The following PTPRC variants were observed in gnomAD, a reference collection of about 807,000 sequenced individuals.
PTPRC encodes the protein receptor-type tyrosine-protein phosphatase C.
A neutral mutation model predicts 155.9 loss-of-function variants in PTPRC; 44 were observed. The ratio of observed to expected loss-of-function variants is 0.28; its 90% CI spans 0.22 to 0.36. The LOEUF is 0.36. Ranked by LOEUF, PTPRC falls within the 10% of genes least tolerant of loss-of-function variation. PTPRC has a pLI of 1.00. For synonymous variants in PTPRC, 525 were observed against 533.1 expected (o/e 0.98, Z 0.21); for missense variants, 1,401 against 1,564.6 (o/e 0.90, Z 1.76).
intron 2 of PTPRC, among the ~76,000 whole-genome samples, chr1:198,665,313 C>T (rs1664229854): frequency 6.6e-6 from 1 of 150,824 alleles, no homozygotes; most frequent in Non-Finnish European, 1.5e-5. Context: ...CGCCCTGCTG[C>T]CTTTTAAAGC....
intron 11 of PTPRC, among the ~76,000 whole-genome samples, chr1:198,711,150 G>A (rs1470594276): frequency 6.6e-6 from 1 of 152,154 alleles, no homozygotes; most frequent in Non-Finnish European, 1.5e-5. Flanking sequence ...ATGTAAAAAG[G>A]ATAGTTGAAG....
chr1:198,742,881 T>C (rs1204886881), intron 25 of PTPRC, among the ~76,000 whole-genome samples: 1 of 151,534 alleles, frequency 6.6e-6, no homozygotes, highest in Non-Finnish European at 1.5e-5. Flanking sequence ...ACCACAAAAG[T>C]AATACAAATA....
At position 198,718,217 on chromosome 1, in the gene PTPRC, G is replaced by A; in HGVS notation, c.1574G>A (p.Gly525Glu). The A allele has an allele frequency of 6.2e-7, 1 of 1,614,112 alleles. No individual in the cohort carries two copies. The highest frequency in any genetic ancestry group is 8.5e-7 in the Non-Finnish European group (1 of 1,180,008). Residue 525 changes from glycine (G) to glutamate (E), a missense_variant, in exon 14 of 33, where the codon GGA (glycine) becomes GAA (glutamate). Gly to Glu is a moderately conservative substitution (Grantham distance 98). Coordinates refer to ENST00000442510, the MANE Select transcript of PTPRC (RefSeq NM_002838.5). The part of the protein sequence containing the change: ...HERYHLEVEA[G>E]NTLVRNESHK... ...CGTTACCATTTGGAAGTTGAAGCTG[G>A]AAATACTCTGGTTAGAAATGAGTCG... is the stretch of plus-strand genomic sequence containing the variant.
intron 2 of PTPRC, among the ~76,000 whole-genome samples, chr1:198,673,111 A>G (rs1014532464): frequency 4.6e-5 from 7 of 152,092 alleles, no homozygotes; most frequent in Non-Finnish European, 1.0e-4. Context: ...TTTTTCTAAA[A>G]GACTAATCGT....
At chr1:198,692,702 A>G (rs1397954266) in intron 3 of PTPRC, 20 of 932,266 alleles carry the variant, frequency 2.1e-5, no homozygotes, top group Non-Finnish European at 2.6e-5. Flanking sequence ...TAGATAACAA[A>G]ATTTTATAGT....
rs776075167 is a variant in PTPRC at position 198,722,185 on chromosome 1, TATAA to T, written c.1660-227_1660-224del. Reference sequence around the variant, plus strand: ...AATTATTTAATAATTGTTTAATAACTATAAATATTTTTATTGCTAAGTGAGATAA... The same window carrying T: ...AATTATTTAATAATTGTTTAATAACTATATTTTTATTGCTAAGTGAGATAA... On this transcript the variant is annotated intron_variant, in intron 14 of 32. Transcript: ENST00000442510. Among the ~76,000 whole-genome samples, 275 of 150,722 alleles carry T rather than the reference TATAA, an allele frequency of 1.8e-3. 2 individuals are homozygous for T. Among genetic ancestry groups the T allele is most frequent in the South Asian group, 4.1e-3 (20 of 4,820 alleles).
intron 2 of PTPRC, chr1:198,680,142 G>A: frequency 2.4e-6 from 1 of 408,240 alleles, no homozygotes; most frequent in Non-Finnish European, 4.4e-6. Context: ...GGAAGCCGGG[G>A]CTCATTTATA....
At chr1:198,679,855 T>C in intron 2 of PTPRC, 1 of 606,766 alleles carries the variant, frequency 1.6e-6, no homozygotes, top group Non-Finnish European at 2.9e-6. Context: ...GACCAAGGTG[T>C]AGAGTTTCCT....
rs748161134 is a variant in PTPRC, at chr1:198,680,044, C to G, written c.74-12303C>G. 1.2e-5 allele frequency: 6 copies of G among 517,638 alleles called. 1 individual carries two copies. Among genetic ancestry groups the G allele is most frequent in the Non-Finnish European group, 2.0e-5 (6 of 293,170 alleles). 32.1% of individuals were successfully genotyped at this position (517,638 alleles called of 1,614,324 possible). A position where few individuals can be genotyped will look rare whatever the true frequency, so the allele number is the denominator to read the frequency against. ...CCGCTTGCTGAGGTCCCTGGCATGG[C>G]TGTGCAAGAACGCAGCGCGCAGCTG... On this transcript the variant is annotated intron_variant, in intron 2 of 32. Transcript: ENST00000442510.
At chr1:198,677,582 G>A (rs1346811276) in intron 2 of PTPRC, among the ~76,000 whole-genome samples, 3 of 151,806 alleles carry the variant, frequency 2.0e-5, no homozygotes, top group South Asian at 4.2e-4. Context: ...TAAGAATAGG[G>A]TAAGCATTCT....
At chr1:198,670,793 C>T (rs1025721930) in intron 2 of PTPRC, among the ~76,000 whole-genome samples, 1 of 152,112 alleles carries the variant, frequency 6.6e-6, no homozygotes. Context: ...AGCTGGCCAT[C>T]TGTATTTGTG....
At chr1:198,741,816 T>C in intron 23 of PTPRC, 53 bp from the exon 24 acceptor site, 1 of 1,551,912 alleles carries the variant, frequency 6.4e-7, no homozygotes, top group South Asian at 1.1e-5. Context: ...TATTTATGTT[T>C]CATAGTTTGC....
chr1:198,708,680 A>G (rs774339139), intron 10 of PTPRC, among the ~76,000 whole-genome samples: 9 of 152,354 alleles, frequency 5.9e-5, no homozygotes, highest in Non-Finnish European at 8.8e-5. Flanking sequence ...TACTTTTTCC[A>G]TCCTGCATCA....
intron 2 of PTPRC, among the ~76,000 whole-genome samples, chr1:198,667,757 G>A (rs16843628): frequency 0.041 from 6,242 of 152,266 alleles, 437 homozygotes; most frequent in African/African-American, 0.14. Context: ...AACATGTCAT[G>A]GAAACATAAA....
chr1:198,638,825 A>T (rs114699976), upstream of PTPRC: 2,762 of 154,746 alleles, frequency 0.018, 79 homozygotes, highest in African/African-American at 0.065. Flanking sequence ...GATTTAATTT[A>T]AAAAAAATGG....
chr1:198,729,049 T>C, intron 16 of PTPRC, 88 bp from the exon 17 acceptor site: 2 of 1,450,884 alleles, frequency 1.4e-6, no homozygotes, highest in Non-Finnish European at 1.9e-6. Context: ...CCTTTGTTCC[T>C]TCAATATATT....
intron 2 of PTPRC, among the ~76,000 whole-genome samples, chr1:198,658,412 A>G: frequency 6.6e-6 from 1 of 152,186 alleles, no homozygotes; most frequent in Non-Finnish European, 1.5e-5. Context: ...CAAGGAGGGA[A>G]TAAAATAAAG....
At chr1:198,707,679 C>T (rs758849359) in intron 9 of PTPRC, among the ~76,000 whole-genome samples, 56 of 152,048 alleles carry the variant, frequency 3.7e-4, no homozygotes, top group South Asian at 1.9e-3. Context: ...AGATAAATTA[C>T]CAATTAAACA....
At chr1:198,646,943 T>C (rs1450741812) in intron 2 of PTPRC, among the ~76,000 whole-genome samples, 4 of 151,910 alleles carry the variant, frequency 2.6e-5, no homozygotes, top group African/African-American at 7.2e-5. Context: ...GCAATTAGCA[T>C]TGCACACACA....
Sources: allele counts gnomAD v4.1 joint callset (sites outside exome capture counted in the v4.1 genomes callset), GRCh38; gene constraint gnomAD v4.1.1; transcripts MANE v1.5; gene names NCBI Gene and HGNC (gene_info 2026-07-23, HGNC 2026-07-21).